The following CPLANE1 variants were observed in gnomAD, a reference collection of about 807,000 sequenced individuals.
CPLANE1 encodes the protein ciliogenesis and planar polarity effector 1.
In CPLANE1, 263 loss-of-function variants were observed where a neutral mutation model predicts 362.5. The observed-to-expected ratio is 0.73, with a 90% CI of 0.66 to 0.80. The LOEUF (loss-of-function observed/expected upper bound fraction) is 0.80. Ranked by LOEUF, CPLANE1 falls within the 30% of genes least tolerant of loss-of-function variation. The probability of loss-of-function intolerance (pLI) is 0.00; values close to 1 mark genes in which losing one functional copy is unlikely to be tolerated. For missense variants in CPLANE1, 3,461 were observed against 3,793.4 expected (o/e 0.91, Z 2.30); for synonymous variants, 1,212 against 1,302.6 (o/e 0.93, Z 1.50).
At chr5:37,176,946 G>A (rs1781334869) in intron 30 of CPLANE1, among the ~76,000 whole-genome samples, 1 of 151,990 alleles carries the variant, frequency 6.6e-6, no homozygotes, top group South Asian at 2.1e-4. Context: ...TTTTAGTAGA[G>A]ACAGGGTTTC....
rs377668949 is a variant in CPLANE1 at position 37,161,819 on chromosome 5, T to C, written c.7690+646A>G. On this transcript the variant is annotated intron_variant, in intron 38 of 52. Transcript: ENST00000651892. ...GGTTAATTTTCATCTTCTTCATAGA[T>C]TGCTAAATCACCCAAATATTCTACA... Among the ~76,000 whole-genome samples, 24 of 152,332 alleles carry C rather than the reference T, an allele frequency of 1.6e-4. No homozygotes were observed. In the South Asian group the frequency reaches 3.3e-3, roughly 21 times the overall value.
chr5:37,180,785 C>T, intron 27 of CPLANE1, 72 bp downstream of exon 27: 14 of 1,442,598 alleles, frequency 9.7e-6, no homozygotes, highest in Non-Finnish European at 1.3e-5. Flanking sequence ...AGGGTTTGAT[C>T]TTCCCTTTAA....
At chr5:37,194,062 C>T (rs932193970) in intron 21 of CPLANE1, among the ~76,000 whole-genome samples, 1 of 151,952 alleles carries the variant, frequency 6.6e-6, no homozygotes, top group African/African-American at 2.4e-5. Flanking sequence ...GCTGGGATTA[C>T]AGGTGCACAC....
intron 46 of CPLANE1, among the ~76,000 whole-genome samples, chr5:37,126,169 G>C (rs1287926503): frequency 6.6e-6 from 1 of 152,202 alleles, no homozygotes; most frequent in Non-Finnish European, 1.5e-5. Flanking sequence ...AGCCTGGGAG[G>C]TCGAAGCTGC....
intron 21 of CPLANE1, among the ~76,000 whole-genome samples, chr5:37,190,094 C>T (rs1304564608): frequency 6.6e-6 from 1 of 151,976 alleles, no homozygotes; most frequent in Non-Finnish European, 1.5e-5. Context: ...TGGGTGTGTG[C>T]ATGTATTACC....
rs186811224 is a variant in CPLANE1 at position 37,119,859 on chromosome 5, C to T, written c.9310+357G>A. On this transcript the variant is annotated intron_variant, in intron 50 of 52. Coordinates refer to ENST00000651892, the MANE Select transcript of CPLANE1 (RefSeq NM_001384732.1). ...AAAATTAGCCGGGCGTGGTGGTGGG[C>T]GCCTGTAATCCCAGGTACTTGGGAG... Among the ~76,000 whole-genome samples, 73 of 146,672 alleles carry T rather than the reference C, an allele frequency of 5.0e-4. No homozygotes were observed. The East Asian group carries it at 0.011, about 23-fold the overall frequency.
chr5:37,076,204 T>G, the CPLANE1 span, among the ~76,000 whole-genome samples: 1 of 149,674 alleles, frequency 6.7e-6, no homozygotes, highest in African/African-American at 2.5e-5. Context: ...CAGTGGGCAA[T>G]GATCACACCA....
chr5:37,142,714 C>A, intron 43 of CPLANE1: 1 of 294,114 alleles, frequency 3.4e-6, no homozygotes, highest in Non-Finnish European at 6.2e-6. Flanking sequence ...GGCCTATGCC[C>A]TTTCATAAAA....
At chr5:37,248,562 T>C (rs1331478966) in intron 1 of CPLANE1, among the ~76,000 whole-genome samples, 5 of 152,082 alleles carry the variant, frequency 3.3e-5, no homozygotes, top group Admixed American at 2.0e-4. Context: ...GGAAGATCGC[T>C]TGAGGACAAG....
intron 29 of CPLANE1, 56 bp downstream of exon 29, chr5:37,179,305 T>G: frequency 8.9e-7 from 1 of 1,119,694 alleles, no homozygotes; most frequent in South Asian, 1.4e-5. Flanking sequence ...CATGTATAAT[T>G]TAAACACTAT....
the CPLANE1 span, chr5:37,085,417 A>G: frequency 2.8e-6 from 3 of 1,062,166 alleles, no homozygotes; most frequent in Admixed American, 3.4e-5. Flanking sequence ...GCTAAGTACA[A>G]ATTGGGTAAA....
Position 37,227,231 on chromosome 5 carries a change from G to C in CPLANE1, c.1521+12C>G. The C allele has an allele frequency of 1.3e-6, 2 of 1,546,662 alleles. No individual in the cohort carries two copies. The highest frequency in any genetic ancestry group is 1.7e-6 in the Non-Finnish European group (2 of 1,144,536). ...AATTGTTCCAAGTAAATAAAATTCTGCTGCTAAGTACCTGAAAATCTGCTG... is the reference window on the plus strand; with the variant it reads ...AATTGTTCCAAGTAAATAAAATTCTCCTGCTAAGTACCTGAAAATCTGCTG... On this transcript the variant is annotated intron_variant, in intron 11 of 52. Coordinates refer to ENST00000651892, the MANE Select transcript of CPLANE1 (RefSeq NM_001384732.1).
chr5:37,217,585 C>G (rs998621605), intron 15 of CPLANE1, among the ~76,000 whole-genome samples: 1 of 148,780 alleles, frequency 6.7e-6, no homozygotes, highest in Non-Finnish European at 1.5e-5. Context: ...CCAGCCTGGG[C>G]GACAGAGCGA....
At position 37,107,073 on chromosome 5, in the gene CPLANE1, C is replaced by G. The variant is rs565363148; in HGVS notation, c.*529G>C. The G allele has an allele frequency of 4.3e-5, 42 of 985,414 alleles. No homozygotes were observed. The African/African-American group carries it at 7.0e-4, about 16-fold the overall frequency. 61.0% of individuals were successfully genotyped at this position (985,414 alleles called of 1,614,324 possible). A position where few individuals can be genotyped will look rare whatever the true frequency, so the allele number is the denominator to read the frequency against. On this transcript the variant is annotated 3_prime_UTR_variant, in exon 53 of 53. Coordinates refer to ENST00000651892, the MANE Select transcript of CPLANE1 (RefSeq NM_001384732.1). Reference sequence around the variant, plus strand: ...ATCTCCTGGCCTCCATGAAACTTTGCTTATTTAGAGATTCAGGGTTGGTAA... The same window carrying G: ...ATCTCCTGGCCTCCATGAAACTTTGGTTATTTAGAGATTCAGGGTTGGTAA...
intron 46 of CPLANE1, 126 bp from the exon 47 acceptor site, chr5:37,125,535 G>T: frequency 2.4e-6 from 2 of 824,506 alleles, no homozygotes; most frequent in Non-Finnish European, 3.8e-6. Context: ...ATATACTTAT[G>T]TTCTCTAGTC....
At chr5:37,128,757 G>A (rs1178039070) in intron 46 of CPLANE1, among the ~76,000 whole-genome samples, 1 of 151,976 alleles carries the variant, frequency 6.6e-6, no homozygotes, top group Non-Finnish European at 1.5e-5. Flanking sequence ...TACTAGGGAG[G>A]CTGAGGCAGA....
downstream of CPLANE1, among the ~76,000 whole-genome samples, chr5:37,105,729 A>T (rs1195112358): frequency 6.6e-6 from 1 of 152,180 alleles, no homozygotes; most frequent in Admixed American, 6.5e-5. Flanking sequence ...TGAAAAGACA[A>T]CCTAAAGAAT....
the CPLANE1 span, among the ~76,000 whole-genome samples, chr5:37,080,718 G>C: frequency 3.3e-5 from 5 of 152,322 alleles, no homozygotes; most frequent in African/African-American, 1.2e-4. Flanking sequence ...AGCCCAGCTA[G>C]AGTGGAGCAC....
In CPLANE1 at chr5:37,107,670, C is replaced by T; in HGVS notation, c.9688G>A (p.Ala3230Thr). Residue 3230 changes from alanine to threonine, a missense_variant, in exon 53 of 53, where the codon GCC (alanine) becomes ACC (threonine). Ala to Thr is a moderately conservative substitution (Grantham distance 58). Transcript: ENST00000651892. ...GSILSKLDWN[A>T]IEDMVASVED... Reference sequence around the variant, plus strand: ...ACGCTGGCCACCATGTCTTCGATGGCATTCCAGTCCAGCTTGCTGAGGATG... The same window carrying T: ...ACGCTGGCCACCATGTCTTCGATGGTATTCCAGTCCAGCTTGCTGAGGATG... 3.7e-6 allele frequency: 6 copies of T among 1,611,382 alleles called. No homozygotes were observed. The highest frequency in any genetic ancestry group is 5.1e-6 in the Non-Finnish European group (6 of 1,179,000).
Sources: allele counts gnomAD v4.1 joint callset (sites outside exome capture counted in the v4.1 genomes callset), GRCh38; gene constraint gnomAD v4.1.1; transcripts MANE v1.5; gene names NCBI Gene and HGNC (gene_info 2026-07-23, HGNC 2026-07-21).